Variants in PCDHA3 observed in about 807,000 individuals in gnomAD.
PCDHA3 encodes protocadherin alpha-3.
A neutral mutation model predicts 62.2 loss-of-function variants in PCDHA3; 41 were observed. The ratio of observed to expected loss-of-function variants is 0.66; its 90% CI spans 0.51 to 0.86. The LOEUF (loss-of-function observed/expected upper bound fraction) is 0.86. PCDHA3 is among the 40% of genes least tolerant of loss of function. PCDHA3 has a pLI of 0.00. For missense variants in PCDHA3, 1,304 were observed against 1,241.2 expected (o/e 1.05, Z -0.76); for synonymous variants, 640 against 555.4 (o/e 1.15, Z -2.14).
chr5:140,931,914 A>G (rs1374173998), intron 1 of PCDHA3, among the ~76,000 whole-genome samples: 2 of 151,960 alleles, frequency 1.3e-5, no homozygotes, highest in Non-Finnish European at 2.9e-5. Context: ...AAAGCATGAC[A>G]TTTAACAATG....
At chr5:140,882,588 A>T in intron 1 of PCDHA3, 7 of 1,614,186 alleles carry the variant, frequency 4.3e-6, no homozygotes, top group Non-Finnish European at 5.1e-6. Context: ...ATCCACCTGG[A>T]GGTGATCGTG....
Position 140,937,138 on chromosome 5 carries a change from T to C in PCDHA3, c.2395-41811T>C, listed in dbSNP as rs368450201. On this transcript the variant is annotated intron_variant, in intron 1 of 3. Coordinates refer to ENST00000522353, the MANE Select transcript of PCDHA3 (RefSeq NM_018906.3). ...CTGCAAGCTCCGCCTCCCGGGTTCA[T>C]GCCATTCTCCTGCCTCAGCCTCCCG... is the stretch of plus-strand genomic sequence containing the variant. 1.7e-4 allele frequency among the ~76,000 whole-genome samples: 25 copies of C among 151,290 alleles called. 1 individual carries two copies. In the South Asian group the frequency reaches 2.7e-3, roughly 16 times the overall value.
chr5:140,834,543 C>T, intron 1 of PCDHA3: 4 of 1,614,084 alleles, frequency 2.5e-6, no homozygotes, highest in Non-Finnish European at 3.4e-6. Flanking sequence ...GGACCTGGGG[C>T]TGGAGCTGGC....
intron 1 of PCDHA3, chr5:140,830,622 C>G: frequency 1.7e-6 from 1 of 582,670 alleles, no homozygotes; most frequent in Non-Finnish European, 2.6e-6. Flanking sequence ...TATTGTGTTT[C>G]TTATTTTAAT....
intron 1 of PCDHA3, chr5:140,877,895 G>T (rs1554170219): frequency 1.4e-6 from 2 of 1,447,634 alleles, no homozygotes; most frequent in South Asian, 3.1e-5. Context: ...TTCCGTTTAG[G>T]TTATAACTAC....
chr5:140,882,662 A>G (rs1554175058), intron 1 of PCDHA3: 7 of 1,614,224 alleles, frequency 4.3e-6, no homozygotes, highest in Non-Finnish European at 5.9e-6. Context: ...CAACCCGCCC[A>G]TATTCCCTGA....
chr5:140,989,874 A>C (rs1328387054), intron 3 of PCDHA3, among the ~76,000 whole-genome samples: 1 of 152,098 alleles, frequency 6.6e-6, no homozygotes, highest in Admixed American at 6.6e-5. Context: ...TCTCTGCCTC[A>C]GCACTTGGAG....
intron 1 of PCDHA3, chr5:140,859,474 T>TA: frequency 4.8e-6 from 1 of 210,386 alleles, no homozygotes; most frequent in Non-Finnish European, 9.2e-6. Context: ...CTATCAATTG[T>TA]GTTTTCCTGA....
chr5:140,849,451 C>T lies in PCDHA3; in HGVS notation c.2394+45860C>T, dbSNP rs2150437889. 5.7e-6 allele frequency: 9 copies of T among 1,586,410 alleles called. 1 individual carries two copies. Among genetic ancestry groups the T allele is most frequent in the Non-Finnish European group, 7.8e-6 (9 of 1,160,978 alleles). ...GAAGAAAGTAGAGCACACAAGATCCCAGTCGAGGCTGTCGATAAAGGCTTC... is the reference window on the plus strand; with the variant it reads ...GAAGAAAGTAGAGCACACAAGATCCTAGTCGAGGCTGTCGATAAAGGCTTC... On this transcript the variant is annotated intron_variant, in intron 1 of 3. Coordinates refer to ENST00000522353, the MANE Select transcript of PCDHA3 (RefSeq NM_018906.3).
chr5:140,835,607 G>C (rs2150239326), intron 1 of PCDHA3: 11 of 1,613,920 alleles, frequency 6.8e-6, no homozygotes, highest in South Asian at 2.2e-5. Context: ...ATTCATTGGT[G>C]CTGGACAGCG....
At position 140,802,658 on chromosome 5, in the gene PCDHA3, C is replaced by G; in HGVS notation, c.1461C>G (p.Asn487Lys). 1 of 1,613,590 alleles carries G rather than the reference C, an allele frequency of 6.2e-7. No homozygotes were observed. Among genetic ancestry groups the G allele is most frequent in the Non-Finnish European group, 8.5e-7 (1 of 1,179,874 alleles). Residue 487 changes from asparagine to lysine, a missense_variant, in exon 1 of 4, where the codon AAC becomes AAG. Coordinates refer to ENST00000522353, the MANE Select transcript of PCDHA3 (RefSeq NM_018906.3). ...VSARDADAQE[N>K]ALVSYSLVER... ...CGCGGGACGCGGACGCGCAGGAGAA[C>G]GCCCTGGTGTCCTACTCGCTGGTGG...
intron 1 of PCDHA3, among the ~76,000 whole-genome samples, chr5:140,964,532 G>A (rs995586958): frequency 2.0e-5 from 3 of 152,156 alleles, no homozygotes; most frequent in Non-Finnish European, 4.4e-5. Context: ...TCTGAGCTGC[G>A]TGCAGAGATG....
rs1554122542 is a variant in PCDHA3 at position 140,803,040 on chromosome 5, A to C, written c.1843A>C (p.Thr615Pro). Reference protein sequence around the residue: ...AWLSYELQPGTGGARIPFRVG... With the variant: ...AWLSYELQPGPGGARIPFRVG... Reference sequence around the variant, plus strand: ...GCTTTCGTATGAGCTGCAGCCTGGGACCGGCGGTGCGCGCATCCCGTTTCG... The same window carrying C: ...GCTTTCGTATGAGCTGCAGCCTGGGCCCGGCGGTGCGCGCATCCCGTTTCG... Residue 615 changes from threonine (T) to proline (P), a missense_variant, in exon 1 of 4, where the codon ACC (threonine) becomes CCC (proline). Transcript: ENST00000522353. The C allele has an allele frequency of 2.5e-6, 4 of 1,614,002 alleles. No individual in the cohort carries two copies. In the Admixed American group the frequency reaches 6.7e-5, roughly 27 times the overall value.
intron 1 of PCDHA3, among the ~76,000 whole-genome samples, chr5:140,949,796 C>G (rs1471707326): frequency 6.6e-6 from 1 of 151,864 alleles, no homozygotes; most frequent in Non-Finnish European, 1.5e-5. Context: ...TTGTGTCCTT[C>G]AATACATTAT....
At position 140,856,679 on chromosome 5, in the gene PCDHA3, T is replaced by C. The variant is rs781823964; in HGVS notation, c.2394+53088T>C. 1.0e-4 allele frequency: 165 copies of C among 1,597,704 alleles called. 10 individuals are homozygous for C. Among genetic ancestry groups the C allele is most frequent in the Non-Finnish European group, 1.4e-4 (162 of 1,167,324 alleles). On this transcript the variant is annotated intron_variant, in intron 1 of 3. Transcript: ENST00000522353. ...AGAAAATCCTCAGCTAAAGTTGTTG[T>C]TGACAGCAACTGATGGAGGCAAACC...
rs2150176322 is a variant in PCDHA3, at chr5:140,829,855, C to T, written c.2394+26264C>T. 3 of 1,613,928 alleles carry T rather than the reference C, an allele frequency of 1.9e-6. No individual in the cohort carries two copies. In the South Asian group the frequency reaches 3.3e-5, roughly 18 times the overall value. ...TGGTGCCGCGGTCACTGGGTGCAGG[C>T]CAAGTGGTGGCGAAGGTGCGCGCAG... On this transcript the variant is annotated intron_variant, in intron 1 of 3. Transcript: ENST00000522353.
intron 1 of PCDHA3, chr5:140,968,131 G>A (rs1485866692): frequency 1.2e-6 from 2 of 1,614,042 alleles, no homozygotes; most frequent in African/African-American, 1.3e-5. Context: ...TGCGTACACT[G>A]AAGGTTGAGA....
intron 1 of PCDHA3, chr5:140,811,807 A>G (rs1189354264): frequency 2.0e-5 from 3 of 152,152 alleles, no homozygotes; most frequent in African/African-American, 7.2e-5. Context: ...TCTTTTGAGA[A>G]GTGTCTGTTC....
chr5:140,967,842 A>G (rs1239466478), intron 1 of PCDHA3: 1 of 1,614,042 alleles, frequency 6.2e-7, no homozygotes, highest in Non-Finnish European at 8.5e-7. Flanking sequence ...GTGGACGTGA[A>G]TGACAATGCC....
Sources: allele counts gnomAD v4.1 joint callset (sites outside exome capture counted in the v4.1 genomes callset), GRCh38; gene constraint gnomAD v4.1.1; transcripts MANE v1.5; gene names NCBI Gene and HGNC (gene_info 2026-07-23, HGNC 2026-07-21).